The following NAB1 variants were observed in gnomAD, a reference collection of about 807,000 sequenced individuals.
NAB1 encodes the protein NGFI-A binding protein 1, also known as NGFI-A-binding protein 1.
In NAB1, 25 loss-of-function variants were observed where a neutral mutation model predicts 49.9. The ratio of observed to expected loss-of-function variants is 0.50; its 90% confidence interval spans 0.37 to 0.70. The LOEUF (loss-of-function observed/expected upper bound fraction) is 0.70, where lower values mean the gene tolerates loss of function less well. NAB1 is among the 30% of genes least tolerant of loss of function. The probability of loss-of-function intolerance (pLI) is 0.00; values close to 1 mark genes in which losing one functional copy is unlikely to be tolerated. For missense variants in NAB1, 489 were observed against 575.9 expected (o/e 0.85, Z 1.54); for synonymous variants, 198 against 215.6 (o/e 0.92, Z 0.71).
chr2:190,683,686 A>G (rs377093347), intron 6 of NAB1, 52 bp from the exon 7 acceptor site: 3 of 1,316,504 alleles, frequency 2.3e-6, no homozygotes, highest in African/African-American at 3.0e-5. Flanking sequence ...TTTTGATAAT[A>G]TTTTATTATT....
chr2:190,689,314 C>G lies in NAB1; in HGVS notation c.1376-931C>G, dbSNP rs2125896437. Among the ~76,000 whole-genome samples, 1 of 152,246 alleles carries G rather than the reference C, an allele frequency of 6.6e-6. No homozygotes were observed. Among genetic ancestry groups the G allele is most frequent in the South Asian group, 2.1e-4 (1 of 4,826 alleles). On this transcript the variant is annotated intron_variant, in intron 9 of 9. Coordinates refer to ENST00000337386, the MANE Select transcript of NAB1 (RefSeq NM_005966.4). This position sits in a 1 kb window ranked among gnomAD's most constrained non-coding sequence, Gnocchi z 4.3. ...TCGTAGGGTAGTTAGGAGGATTAAACAAGATAGTGTACCTGCATCGTACAC... is the reference window on the plus strand; with the variant it reads ...TCGTAGGGTAGTTAGGAGGATTAAAGAAGATAGTGTACCTGCATCGTACAC...
chr2:190,662,549 T>C (rs1694280545), intron 4 of NAB1, among the ~76,000 whole-genome samples: 1 of 152,292 alleles, frequency 6.6e-6, no homozygotes, highest in Admixed American at 6.5e-5. Flanking sequence ...CCAGAGGCGA[T>C]ATCAGAAAAA....
At position 190,680,640 on chromosome 2, in the gene NAB1, C is replaced by A. The variant is rs1695293423; in HGVS notation, c.1006-3098C>A. ...TTGTTGAATGTATAAACACATGTTT[C>A]TAGATTTCCAGTGTTCTTTTCACTG... On this transcript the variant is annotated intron_variant, in intron 6 of 9. Transcript: ENST00000337386. The surrounding 1 kb of genome is among the most constrained non-coding windows in gnomAD (Gnocchi z 5.2). Among the ~76,000 whole-genome samples, 1 of 152,194 alleles carries A rather than the reference C, an allele frequency of 6.6e-6. No homozygotes were observed. The highest frequency in any genetic ancestry group is 1.5e-5 in the Non-Finnish European group (1 of 68,038).
In NAB1 at chr2:190,664,586, C is replaced by CTTTTTTTTT. The variant is rs71027237; in HGVS notation, c.819+4611_819+4619dup. On this transcript the variant is annotated intron_variant, in intron 4 of 9. Coordinates refer to ENST00000337386, the MANE Select transcript of NAB1 (RefSeq NM_005966.4). ...TCTTCCTCTCTTTCTTTCTTCTTTC[C>CTTTTTTTTT]TTTTTTTTTTTTTTTTTTTTTTTTT... Among the ~76,000 whole-genome samples the CTTTTTTTTT allele has an allele frequency of 1.1e-3, 65 of 61,148 alleles. 3 individuals carry two copies. Among genetic ancestry groups the CTTTTTTTTT allele is most frequent in the African/African-American group, 2.5e-3 (38 of 15,248 alleles). The allele number at this position is 61,148 out of a possible 152,430, so 40.1% of individuals were successfully genotyped here.
At chr2:190,656,942 A>G (rs1037387437) in intron 3 of NAB1, among the ~76,000 whole-genome samples, 4 of 152,196 alleles carry the variant, frequency 2.6e-5, no homozygotes, top group Non-Finnish European at 5.9e-5. Flanking sequence ...TATTAAAAAA[A>G]GATAGTGTGT....
At chr2:190,673,234 CA>C (rs761297774) in intron 6 of NAB1, 82 bp downstream of exon 6, 20 of 1,291,834 alleles carry the variant, frequency 1.5e-5, no homozygotes, top group Non-Finnish European at 2.0e-5. Context: ...CTAGTTCAGA[CA>C]AAAAAGATGG....
Position 190,685,602 on chromosome 2 carries a change from C to G in NAB1, c.1222C>G (p.Pro408Ala). 6.2e-7 allele frequency: 1 copy of G among 1,611,640 alleles called. No homozygotes were observed. Among genetic ancestry groups the G allele is most frequent in the Non-Finnish European group, 8.5e-7 (1 of 1,179,246 alleles). The stretch of plus-strand genomic sequence containing the variant: ...CAGGCAGAGCTCAGAAGAGCACAGT[C>G]CTAACGGCTTGACTTCCGATAACTC... ...LYRQSSEEHSPNGLTSDNSDG... is the reference protein window; with the variant it reads ...LYRQSSEEHSANGLTSDNSDG... Residue 408 changes from proline (P) to alanine (A), a missense_variant, in exon 8 of 10, where the codon CCT (proline) becomes GCT (alanine). Pro to Ala is a conservative substitution (Grantham distance 27). Coordinates refer to ENST00000337386, the MANE Select transcript of NAB1 (RefSeq NM_005966.4). The surrounding 1 kb of genome is among the most constrained non-coding windows in gnomAD (Gnocchi z 4.5).
rs1242701857 is a variant in NAB1, at chr2:190,689,651, T to G, written c.1376-594T>G. ...ACTGTACACATAGAACTCCATGGAA[T>G]GATTTCTCATGAAAATAGTGTTCAT... On this transcript the variant is annotated intron_variant, in intron 9 of 9. Transcript: ENST00000337386. The surrounding 1 kb of genome is among the most constrained non-coding windows in gnomAD (Gnocchi z 4.3). Among the ~76,000 whole-genome samples the G allele has an allele frequency of 6.6e-6, 1 of 152,160 alleles. No individual in the cohort carries two copies. The highest frequency in any genetic ancestry group is 2.4e-5 in the African/African-American group (1 of 41,450).
rs901989936 is a variant in NAB1 at position 190,691,947 on chromosome 2, C to T, written c.*1614C>T. On this transcript the variant is annotated 3_prime_UTR_variant, in exon 10 of 10. Coordinates refer to ENST00000337386, the MANE Select transcript of NAB1 (RefSeq NM_005966.4). This position sits in a 1 kb window ranked among gnomAD's most constrained non-coding sequence, Gnocchi z 4.1. The stretch of plus-strand genomic sequence containing the variant: ...TGTAGAAGTACTTTACAGTAGGAAA[C>T]GCCAGTAAACAACTTTTATACTGTT... 7 of 152,560 alleles carry T rather than the reference C, an allele frequency of 4.6e-5. No individual in the cohort carries two copies. Among genetic ancestry groups the T allele is most frequent in the Admixed American group, 2.6e-4 (4 of 15,268 alleles). 9.5% of individuals were successfully genotyped at this position (152,560 alleles called of 1,614,324 possible).
In NAB1 at chr2:190,652,482, T is replaced by C. The variant is rs1236847127; in HGVS notation, c.-197+2500T>C. ...AGTTATCATTTAGCAAAATCTGGTT[T>C]AGTTTTTTCTAATTTTGGCAAGTAA... On this transcript the variant is annotated intron_variant, in intron 2 of 9. Transcript: ENST00000337386. This position sits in a 1 kb window ranked among gnomAD's most constrained non-coding sequence, Gnocchi z 4.2. Among the ~76,000 whole-genome samples, 3 of 152,210 alleles carry C rather than the reference T, an allele frequency of 2.0e-5. No homozygotes were observed. Among genetic ancestry groups the C allele is most frequent in the Admixed American group, 1.3e-4 (2 of 15,282 alleles).
Position 190,651,959 on chromosome 2 carries a change from A to T in NAB1, c.-197+1977A>T, listed in dbSNP as rs1244977337. Among the ~76,000 whole-genome samples the T allele has an allele frequency of 6.6e-6, 1 of 152,218 alleles. No homozygotes were observed. The highest frequency in any genetic ancestry group is 1.5e-5 in the Non-Finnish European group (1 of 68,032). Reference sequence around the variant, plus strand: ...TTGCTAGACCCTTTGCTTTGGATTTATTTTTATCTTACCTGCTTCTTTTAT... The same window carrying T: ...TTGCTAGACCCTTTGCTTTGGATTTTTTTTTATCTTACCTGCTTCTTTTAT... On this transcript the variant is annotated intron_variant, in intron 2 of 9. Transcript: ENST00000337386. This position sits in a 1 kb window ranked among gnomAD's most constrained non-coding sequence, Gnocchi z 4.3.
In NAB1 at chr2:190,666,630, A is replaced by AC. The variant is rs1478463679; in HGVS notation, c.820-3693dup. ...AGGCTGAGACAGGAGAATCGCTTGA[A>AC]CCCGGGGCGCTGAGGTTGCGCCACT... On this transcript the variant is annotated intron_variant, in intron 4 of 9. Transcript: ENST00000337386. This position sits in a 1 kb window ranked among gnomAD's most constrained non-coding sequence, Gnocchi z 5.6. Among the ~76,000 whole-genome samples, 18 of 151,734 alleles carry AC rather than the reference A, an allele frequency of 1.2e-4. No homozygotes were observed. The highest frequency in any genetic ancestry group is 4.4e-4 in the African/African-American group (18 of 41,256).
Position 190,691,160 on chromosome 2 carries a change from T to C in NAB1, c.*827T>C, listed in dbSNP as rs889265120. ...ATGTATAAAAGCTTTGACTTAAACATTGATATTTCAGAATGTGTTAAATAG... is the reference window on the plus strand; with the variant it reads ...ATGTATAAAAGCTTTGACTTAAACACTGATATTTCAGAATGTGTTAAATAG... On this transcript the variant is annotated 3_prime_UTR_variant, in exon 10 of 10. Coordinates refer to ENST00000337386, the MANE Select transcript of NAB1 (RefSeq NM_005966.4). The surrounding 1 kb of genome is among the most constrained non-coding windows in gnomAD (Gnocchi z 4.1). The C allele has an allele frequency of 3.9e-5, 6 of 152,590 alleles. No individual in the cohort carries two copies. The highest frequency in any genetic ancestry group is 6.5e-5 in the Admixed American group (1 of 15,284). The allele number at this position is 152,590 out of a possible 1,614,324, so 9.5% of individuals were successfully genotyped here.
rs182946718 is a variant in NAB1, at chr2:190,670,994, G to A, written c.953+535G>A. On this transcript the variant is annotated intron_variant, in intron 5 of 9. Transcript: ENST00000337386. The surrounding 1 kb of genome is among the most constrained non-coding windows in gnomAD (Gnocchi z 5.3). The stretch of plus-strand genomic sequence containing the variant: ...AACGTGATGTTAAAAAGCAATGGTG[G>A]TTTCAAAATTTAATGTAAACACAGC... Among the ~76,000 whole-genome samples, 8 of 152,284 alleles carry A rather than the reference G, an allele frequency of 5.3e-5. No homozygotes were observed. The highest frequency in any genetic ancestry group is 1.7e-4 in the African/African-American group (7 of 41,564).
rs1695037775 is a variant in NAB1 at position 190,675,744 on chromosome 2, T to A, written c.1005+2592T>A. On this transcript the variant is annotated intron_variant, in intron 6 of 9. Coordinates refer to ENST00000337386, the MANE Select transcript of NAB1 (RefSeq NM_005966.4). The surrounding 1 kb of genome is among the most constrained non-coding windows in gnomAD (Gnocchi z 5.2). ...CCCAGAAATAAGTAGTAACTACACC[T>A]TTGAATTTAGGACAGTGGCTCACTT... 6.6e-6 allele frequency among the ~76,000 whole-genome samples: 1 copy of A among 152,204 alleles called. No individual in the cohort carries two copies. The highest frequency in any genetic ancestry group is 2.4e-5 in the African/African-American group (1 of 41,446).
Position 190,689,201 on chromosome 2 carries a change from A to T in NAB1, c.1376-1044A>T, listed in dbSNP as rs991053079. ...TGCAAGCCTGGGTCCAGATCTTAGC[A>T]CCGATACTTGACTGAGTGACCCTGA... is the stretch of plus-strand genomic sequence containing the variant. On this transcript the variant is annotated intron_variant, in intron 9 of 9. Transcript: ENST00000337386. The surrounding 1 kb of genome is among the most constrained non-coding windows in gnomAD (Gnocchi z 4.3). 6.6e-6 allele frequency among the ~76,000 whole-genome samples: 1 copy of T among 152,112 alleles called. No homozygotes were observed. The highest frequency in any genetic ancestry group is 2.4e-5 in the African/African-American group (1 of 41,408).
In NAB1 at chr2:190,689,600, T is replaced by G. The variant is rs1453963810; in HGVS notation, c.1376-645T>G. Among the ~76,000 whole-genome samples, 1 of 152,184 alleles carries G rather than the reference T, an allele frequency of 6.6e-6. No individual in the cohort carries two copies. Among genetic ancestry groups the G allele is most frequent in the East Asian group, 1.9e-4 (1 of 5,198 alleles). On this transcript the variant is annotated intron_variant, in intron 9 of 9. Transcript: ENST00000337386. The surrounding 1 kb of genome is among the most constrained non-coding windows in gnomAD (Gnocchi z 4.3). ...TAAAGGTTACATTTGATTGTTATTC[T>G]GTAGTGTTTGTGTATGGTTGAAATA... is the stretch of plus-strand genomic sequence containing the variant.
chr2:190,681,208 G>C (rs572832067), intron 6 of NAB1, among the ~76,000 whole-genome samples: 1 of 152,282 alleles, frequency 6.6e-6, no homozygotes, highest in South Asian at 2.1e-4. Context: ...GTAAAAAAAA[G>C]GAAACCCAGT....
Position 190,682,568 on chromosome 2 carries a change from G to A in NAB1, c.1006-1170G>A, listed in dbSNP as rs756045545. On this transcript the variant is annotated intron_variant, in intron 6 of 9. Coordinates refer to ENST00000337386, the MANE Select transcript of NAB1 (RefSeq NM_005966.4). The surrounding 1 kb of genome is among the most constrained non-coding windows in gnomAD (Gnocchi z 4.1). ...ATTTCATGTAACAAAATTAATTTCA[G>A]ATAGGTCAGAGGGTTAAATTTAAAA... 6.6e-6 allele frequency among the ~76,000 whole-genome samples: 1 copy of A among 152,182 alleles called. No homozygotes were observed. The highest frequency in any genetic ancestry group is 1.5e-5 in the Non-Finnish European group (1 of 68,032).
Sources: gnomAD v4.1 joint callset for allele counts (sites outside exome capture counted in the v4.1 genomes callset) on GRCh38, gnomAD v4.1.1 for gene constraint, Gnocchi (gnomAD v3.1) non-coding constraint, MANE v1.5 for transcripts, NCBI Gene and HGNC (gene_info 2026-07-23, HGNC 2026-07-21) for gene names.